Variants in CTNNA2 observed in about 807,000 individuals in gnomAD.
CTNNA2 encodes catenin alpha 2, also known as catenin alpha-2.
CTNNA2 carries 42 observed loss-of-function variants against 101.0 expected under a neutral mutation model. The observed-to-expected ratio is 0.42, with a 90% CI of 0.32 to 0.54. The LOEUF (loss-of-function observed/expected upper bound fraction) is 0.54, where lower values mean the gene tolerates loss of function less well. CTNNA2 is among the 20% of genes least tolerant of loss of function. CTNNA2 has a pLI of 0.14. For missense variants in CTNNA2, 871 were observed against 1,223.1 expected (o/e 0.71, Z 4.29); for synonymous variants, 450 against 456.4 (o/e 0.99, Z 0.18).
At chr2:79,553,603 GGAAGCAGGC>G (rs771945805) in intron 1 of CTNNA2, among the ~76,000 whole-genome samples, 11 of 152,140 alleles carry the variant, frequency 7.2e-5, no homozygotes, top group Non-Finnish European at 1.3e-4. Flanking sequence ...AAGGCAAAGG[GGAAGCAGGC>G]ACATCTTATA....
intron 4 of CTNNA2, among the ~76,000 whole-genome samples, chr2:79,469,084 C>T (rs1670969688): frequency 1.3e-5 from 2 of 152,116 alleles, no homozygotes; most frequent in African/African-American, 4.8e-5. Context: ...ATCAATGAAT[C>T]CAGGAGCTGG....
chr2:79,664,417 TGGAATACAG>T (rs1682251420), intron 2 of CTNNA2, among the ~76,000 whole-genome samples: 1 of 152,204 alleles, frequency 6.6e-6, no homozygotes, highest in Admixed American at 6.5e-5. Context: ...CAACTGGCAC[TGGAATACAG>T]GGACAATATA....
intron 1 of CTNNA2, among the ~76,000 whole-genome samples, chr2:79,572,253 C>G (rs1369929386): frequency 6.6e-6 from 1 of 152,080 alleles, no homozygotes; most frequent in East Asian, 1.9e-4. Context: ...TGGTCTCCAC[C>G]AGCTTCAAGC....
chr2:79,966,460 G>C (rs1329047833), intron 7 of CTNNA2, among the ~76,000 whole-genome samples: 2 of 152,066 alleles, frequency 1.3e-5, no homozygotes, highest in Admixed American at 1.3e-4. Context: ...GGTCTCAAAT[G>C]CTTGGGCTCC....
chr2:79,343,167 C>T (rs1677177399), intron 3 of CTNNA2, among the ~76,000 whole-genome samples: 1 of 151,938 alleles, frequency 6.6e-6, no homozygotes, highest in South Asian at 2.1e-4. Flanking sequence ...TATAGTTAAC[C>T]ATATTGCCTT....
intron 7 of CTNNA2, among the ~76,000 whole-genome samples, chr2:80,174,523 C>T (rs1705276403): frequency 6.6e-6 from 1 of 152,134 alleles, no homozygotes; most frequent in Admixed American, 6.6e-5. Flanking sequence ...CTCATTCTTG[C>T]CCATGGCTTT....
chr2:80,346,547 G>T (rs1486774814), intron 7 of CTNNA2, among the ~76,000 whole-genome samples: 2 of 152,180 alleles, frequency 1.3e-5, no homozygotes, highest in Non-Finnish European at 2.9e-5. Flanking sequence ...TGAAATTGGG[G>T]TGGGGACAAA....
At chr2:79,837,796 G>A (rs942601677) in intron 3 of CTNNA2, among the ~76,000 whole-genome samples, 16 of 151,814 alleles carry the variant, frequency 1.1e-4, no homozygotes, top group African/African-American at 3.9e-4. Context: ...TCAACATTTA[G>A]CCTATGGGAA....
chr2:79,422,135 G>A (rs775275805), intron 4 of CTNNA2, among the ~76,000 whole-genome samples: 6 of 152,030 alleles, frequency 3.9e-5, no homozygotes, highest in African/African-American at 9.7e-5. Context: ...CCTGGGCGTC[G>A]GAGTAAGACG....
At chr2:79,306,882 T>C (rs998642759) in intron 2 of CTNNA2, among the ~76,000 whole-genome samples, 4 of 152,200 alleles carry the variant, frequency 2.6e-5, no homozygotes, top group Non-Finnish European at 5.9e-5. Flanking sequence ...AGATAAGACA[T>C]CTCTACATGT....
At chr2:79,491,225 T>G (rs1337173925) in intron 4 of CTNNA2, among the ~76,000 whole-genome samples, 1 of 152,178 alleles carries the variant, frequency 6.6e-6, no homozygotes, top group African/African-American at 2.4e-5. Flanking sequence ...ATACTTCAAC[T>G]TGCATATGAC....
Position 80,481,647 on chromosome 2 carries a change from C to T in CTNNA2, c.1290+62046C>T, listed in dbSNP as rs537645760. On this transcript the variant is annotated intron_variant, in intron 9 of 18. Transcript: ENST00000402739. ...GTCAAAGGACCTCAGAGTTTTTCGTCTTATTCTGCTTCTTAGTACAGGGAA... is the reference window on the plus strand; with the variant it reads ...GTCAAAGGACCTCAGAGTTTTTCGTTTTATTCTGCTTCTTAGTACAGGGAA... Among the ~76,000 whole-genome samples the T allele has an allele frequency of 3.3e-5, 5 of 152,204 alleles. No homozygotes were observed. In the East Asian group the frequency reaches 9.7e-4, roughly 29 times the overall value.
chr2:79,331,716 C>A (rs1275462342), intron 3 of CTNNA2, among the ~76,000 whole-genome samples: 4 of 152,116 alleles, frequency 2.6e-5, no homozygotes, highest in African/African-American at 9.7e-5. Context: ...CTATTCCAGG[C>A]TGTAGAGAAA....
chr2:80,079,882 T>TAAAATAAAATAA (rs1553445210), intron 7 of CTNNA2, among the ~76,000 whole-genome samples: 4 of 54,584 alleles, frequency 7.3e-5, no homozygotes, highest in Non-Finnish European at 2.0e-4. Flanking sequence ...TAAAATAAAA[T>TAAAATAAAATAA]AATAAAATAA....
intron 3 of CTNNA2, among the ~76,000 whole-genome samples, chr2:79,836,283 G>A (rs915794287): frequency 6.6e-6 from 1 of 152,186 alleles, no homozygotes; most frequent in African/African-American, 2.4e-5. Context: ...GTTCTGGAAA[G>A]CTGGTCCCTA....
intron 2 of CTNNA2, among the ~76,000 whole-genome samples, chr2:79,307,783 A>G (rs1676280307): frequency 6.6e-6 from 1 of 152,194 alleles, no homozygotes; most frequent in Non-Finnish European, 1.5e-5. Context: ...GTAGAATTTG[A>G]GGAACCTCCA....
At chr2:80,155,837 C>T (rs1703971806) in intron 7 of CTNNA2, among the ~76,000 whole-genome samples, 1 of 152,182 alleles carries the variant, frequency 6.6e-6, no homozygotes, top group Non-Finnish European at 1.5e-5. Context: ...ACATTGTATT[C>T]ACATCAACTA....
intron 2 of CTNNA2, among the ~76,000 whole-genome samples, chr2:79,287,568 G>C (rs1357106106): frequency 1.3e-5 from 2 of 148,884 alleles, no homozygotes; most frequent in Non-Finnish European, 3.0e-5. Context: ...AGGCTGCTCA[G>C]GGGTCAGGGA....
At chr2:80,324,042 G>GA (rs1452735831) in intron 7 of CTNNA2, among the ~76,000 whole-genome samples, 1 of 152,048 alleles carries the variant, frequency 6.6e-6, no homozygotes, top group African/African-American at 2.4e-5. Flanking sequence ...CATCAAGAGA[G>GA]AAAAAAACAA....
Sources: gnomAD v4.1 joint callset for allele counts (sites outside exome capture counted in the v4.1 genomes callset) on GRCh38, gnomAD v4.1.1 for gene constraint, MANE v1.5 for transcripts, NCBI Gene and HGNC (gene_info 2026-07-23, HGNC 2026-07-21) for gene names.